Variants in GNAS observed in about 807,000 individuals in gnomAD.
GNAS encodes GNAS complex locus, also known as protein ALEX.
In GNAS, 8 loss-of-function variants were observed where a neutral mutation model predicts 54.5. The ratio of observed to expected loss-of-function variants is 0.15; its 90% CI spans 0.09 to 0.26. The LOEUF is 0.26. GNAS is among the 10% of genes least tolerant of loss of function. The pLI, the probability that GNAS is intolerant of heterozygous loss-of-function variation, is 1.00. For missense variants in GNAS, 170 were observed against 529.8 expected (o/e 0.32, Z 6.67); for synonymous variants, 204 against 191.4 (o/e 1.07, Z -0.54).
At chr20:58,890,103 A>C (rs1275690056), upstream of GNAS, among the ~76,000 whole-genome samples, 1 of 151,806 alleles carries the variant, frequency 6.6e-6, no homozygotes, top group African/African-American at 2.4e-5. Context: ...CCTAACAGAC[A>C]AGGAGCGCAA....
chr20:58,890,014 C>T (rs963070653), upstream of GNAS, among the ~76,000 whole-genome samples: 1 of 151,516 alleles, frequency 6.6e-6, no homozygotes, highest in African/African-American at 2.4e-5. Context: ...GAGCCGCTCG[C>T]GCCGCGGAAG....
At chr20:58,898,580 G>A in intron 2 of GNAS, 1 of 341,742 alleles carries the variant, frequency 2.9e-6, no homozygotes, top group South Asian at 4.2e-5. Context: ...CTTATGCGCT[G>A]CCATATTCTC....
At position 58,873,617 on chromosome 20, in the gene GNAS, C is replaced by T. The variant is rs149098309; in HGVS notation, c.44-21995C>T. Reference sequence around the variant, plus strand: ...CTGTCTAGTAGCATCTCTAAGCTTGCAGTAGCTGCTCACGTGTCTGCCACG... The same window carrying T: ...CTGTCTAGTAGCATCTCTAAGCTTGTAGTAGCTGCTCACGTGTCTGCCACG... On this transcript the variant is annotated intron_variant, in intron 1 of 12. Coordinates refer to the GNAS transcript ENST00000306090. This position sits in a 1 kb window ranked among gnomAD's most constrained non-coding sequence, Gnocchi z 4.3. Among the ~76,000 whole-genome samples, 37 of 152,322 alleles carry T rather than the reference C, an allele frequency of 2.4e-4. No homozygotes were observed. Among genetic ancestry groups the T allele is most frequent in the East Asian group, 1.3e-3 (7 of 5,186 alleles).
Position 58,910,839 on chromosome 20 carries a change from C to A in GNAS, c.*10C>A, listed in dbSNP as rs1601173402. On this transcript the variant is annotated 3_prime_UTR_variant, in exon 13 of 13. Coordinates refer to ENST00000371085, the MANE Select transcript of GNAS (RefSeq NM_000516.7). The surrounding 1 kb of genome is among the most constrained non-coding windows in gnomAD (Gnocchi z 5.8). ...GTACGAGCTGCTCTAAGAAGGGAAC[C>A]CCCAAATTTAATTAAAGCCTTAAGC... 3.7e-6 allele frequency: 6 copies of A among 1,612,724 alleles called. No homozygotes were observed. The highest frequency in any genetic ancestry group is 2.7e-5 in the African/African-American group (2 of 74,998).
At chr20:58,854,251 C>G in intron 1 of GNAS, 1 of 1,613,276 alleles carries the variant, frequency 6.2e-7, no homozygotes, top group African/African-American at 1.3e-5. Flanking sequence ...GACAGCCCCC[C>G]AATCGCGCTT....
upstream of GNAS, chr20:58,839,989 C>T (rs553878748): frequency 6.2e-6 from 7 of 1,137,250 alleles, no homozygotes; most frequent in East Asian, 4.7e-5. Flanking sequence ...CTGGGACCTC[C>T]GGGCCAGCTT....
intron 1 of GNAS, among the ~76,000 whole-genome samples, chr20:58,848,070 C>T (rs957830607): frequency 2.6e-5 from 4 of 152,196 alleles, no homozygotes; most frequent in Admixed American, 1.3e-4. Context: ...ATTTTCAAAA[C>T]GCCACTGTTT....
chr20:58,868,828 A>G (rs1383098339), intron 1 of GNAS, among the ~76,000 whole-genome samples: 4 of 152,154 alleles, frequency 2.6e-5, no homozygotes, highest in African/African-American at 4.8e-5. Flanking sequence ...TGAGAACACA[A>G]ATTATTCAGG....
In GNAS at chr20:58,853,313, C is replaced by G. The variant is rs1452728127; in HGVS notation, c.43+12427C>G. The stretch of plus-strand genomic sequence containing the variant: ...ACGGCAATAATATGTCAGGACAACG[C>G]GATATCCCCCCTGAAATCGGGGAAC... On this transcript the variant is annotated intron_variant, in intron 1 of 12. Coordinates refer to the GNAS transcript ENST00000306090. This position sits in a 1 kb window ranked among gnomAD's most constrained non-coding sequence, Gnocchi z 4.4. The G allele has an allele frequency of 1.0e-5, 16 of 1,550,118 alleles. No individual in the cohort carries two copies. Among genetic ancestry groups the G allele is most frequent in the East Asian group, 2.4e-5 (1 of 40,920 alleles).
At chr20:58,849,160 G>A (rs1420034645) in intron 1 of GNAS, among the ~76,000 whole-genome samples, 1 of 152,106 alleles carries the variant, frequency 6.6e-6, no homozygotes, top group Non-Finnish European at 1.5e-5. Context: ...CATCTAGTGG[G>A]TAGAGGCTAG....
chr20:58,903,431 A>G lies in GNAS; in HGVS notation c.258-100A>G, dbSNP rs552384526. 9.9e-6 allele frequency: 10 copies of G among 1,005,456 alleles called. No homozygotes were observed. In the East Asian group the frequency reaches 2.0e-4, roughly 20 times the overall value. 62.3% of individuals were successfully genotyped at this position (1,005,456 alleles called of 1,614,324 possible). A position where few individuals can be genotyped will look rare whatever the true frequency, so the allele number is the denominator to read the frequency against. On this transcript the variant is annotated intron_variant, in intron 3 of 12. Coordinates refer to ENST00000371085, the MANE Select transcript of GNAS (RefSeq NM_000516.7). The stretch of plus-strand genomic sequence containing the variant: ...ATCCGAACCCACAACTCCCTGAAGA[A>G]CAGAATACTATGCTTTTTAGTCGGG...
Position 58,841,210 on chromosome 20 carries a change from C to A in GNAS, c.43+324C>A. On this transcript the variant is annotated intron_variant, in intron 1 of 12. Transcript: ENST00000306090. The surrounding 1 kb of genome is among the most constrained non-coding windows in gnomAD (Gnocchi z 5.0). ...CACCCCAGATTTGGAGCTGCACACC[C>A]AAACGGCATTGGTAAGTCACTTGTT... is the stretch of plus-strand genomic sequence containing the variant. 1.5e-6 allele frequency: 1 copy of A among 651,626 alleles called. No individual in the cohort carries two copies. Among genetic ancestry groups the A allele is most frequent in the Non-Finnish European group, 2.1e-6 (1 of 465,316 alleles). The allele number at this position is 651,626 out of a possible 1,614,324, so 40.4% of individuals were successfully genotyped here.
Position 58,911,004 on chromosome 20 carries a change from A to G in GNAS, c.*175A>G. The G allele has an allele frequency of 1.4e-6, 1 of 724,130 alleles. No individual in the cohort carries two copies. Among genetic ancestry groups the G allele is most frequent in the Non-Finnish European group, 2.4e-6 (1 of 408,740 alleles). The allele number at this position is 724,130 out of a possible 1,614,324, so 44.9% of individuals were successfully genotyped here. On this transcript the variant is annotated 3_prime_UTR_variant, in exon 13 of 13. Transcript: ENST00000371085. The stretch of plus-strand genomic sequence containing the variant: ...CCTTCAGCTTGCTTAGATGTTCCAA[A>G]TTTAGAAAGCTTAAGGCGGCCTACA...
rs781044092 is a variant in GNAS at position 58,903,719 on chromosome 20, C to A, written c.360C>A (p.Ala120=). ...MSNLVPPVEL[A]NPENQFRVDY... is the part of the protein sequence containing the mutation. ...ACCTGGTGCCCCCCGTGGAGCTGGCCAACCCCGAGAACCAGTTCAGAGTGG... is the reference window on the plus strand; with the variant it reads ...ACCTGGTGCCCCCCGTGGAGCTGGCAAACCCCGAGAACCAGTTCAGAGTGG... The change falls in exon 5 of 13, where the codon GCC becomes GCA. Residue 120 remains alanine, a synonymous_variant. Coordinates refer to ENST00000371085, the MANE Select transcript of GNAS (RefSeq NM_000516.7). 7.4e-6 allele frequency: 12 copies of A among 1,613,670 alleles called. No homozygotes were observed. Among genetic ancestry groups the A allele is most frequent in the Non-Finnish European group, 1.0e-5 (12 of 1,179,720 alleles).
chr20:58,889,396 G>C, upstream of GNAS: 1 of 982,584 alleles, frequency 1.0e-6, no homozygotes, highest in Non-Finnish European at 1.2e-6. Flanking sequence ...AGTGCGAGTC[G>C]CCCGGCGCAG....
intron 1 of GNAS, among the ~76,000 whole-genome samples, chr20:58,866,067 G>A (rs1050977811): frequency 5.3e-5 from 8 of 152,132 alleles, no homozygotes; most frequent in African/African-American, 9.7e-5. Flanking sequence ...TGCTGACAAC[G>A]TATCAGCTCT....
At chr20:58,903,507 C>T (rs763966233) in intron 3 of GNAS, 24 bp from the exon 4 acceptor site, 1 of 1,598,456 alleles carries the variant, frequency 6.3e-7, no homozygotes, top group South Asian at 1.1e-5. Context: ...ATATGATTTT[C>T]TTTTCTTTTC....
chr20:58,889,873 G>C (rs527578888), upstream of GNAS, among the ~76,000 whole-genome samples: 14 of 151,638 alleles, frequency 9.2e-5, no homozygotes, highest in East Asian at 1.4e-3. Flanking sequence ...CGAGGTGGCC[G>C]GGCCACCATG....
chr20:58,903,625 C>G, intron 4 of GNAS, 40 bp downstream of exon 4: 7 of 1,614,128 alleles, frequency 4.3e-6, no homozygotes, highest in Non-Finnish European at 5.9e-6. Flanking sequence ...TTGTAGCGCC[C>G]TCCCAGCCAG....
Sources: allele counts gnomAD v4.1 joint callset (sites outside exome capture counted in the v4.1 genomes callset), GRCh38; gene constraint gnomAD v4.1.1; non-coding constraint Gnocchi (gnomAD v3.1); transcripts MANE v1.5; gene names NCBI Gene and HGNC (gene_info 2026-07-23, HGNC 2026-07-21).